Variants in WWOX observed in about 807,000 individuals in gnomAD.
WWOX encodes WW domain-containing oxidoreductase.
In WWOX, 69 loss-of-function variants were observed where a neutral mutation model predicts 46.2. The observed-to-expected ratio is 1.49, with a 90% confidence interval of 1.23 to 1.82. The LOEUF is 1.82. WWOX is among the 40% of genes most tolerant of loss of function. WWOX has a pLI of 0.00. For synonymous variants in WWOX, 359 were observed against 202.6 expected, an observed-to-expected ratio of 1.77 and a Z score of -6.56; for missense variants, 919 against 542.6, an observed-to-expected ratio of 1.69 and a Z score of -6.89.
intron 8 of WWOX, among the ~76,000 whole-genome samples, chr16:79,084,794 A>G (rs2048824095): frequency 6.6e-6 from 1 of 152,198 alleles, no homozygotes; most frequent in Admixed American, 6.5e-5. Context: ...TACAAAGAAG[A>G]AAGGAGTCTG....
At chr16:79,181,562 T>C (rs1006124228) in intron 8 of WWOX, among the ~76,000 whole-genome samples, 1 of 152,204 alleles carries the variant, frequency 6.6e-6, no homozygotes, top group Non-Finnish European at 1.5e-5. Flanking sequence ...GTAGGGGTTT[T>C]TTTTTTAATT....
rs1338960973 is a variant in WWOX at position 78,261,774 on chromosome 16, ATCTATCTATC to A, written c.516+97487_516+97496del. Among the ~76,000 whole-genome samples the A allele has an allele frequency of 7.2e-3, 329 of 45,742 alleles. 6 individuals are homozygous for A. The highest frequency in any genetic ancestry group is 0.056 in the East Asian group (49 of 870). 30.0% of individuals were successfully genotyped at this position (45,742 alleles called of 152,430 possible). On this transcript the variant is annotated intron_variant, in intron 5 of 8. Transcript: ENST00000566780. ...TGTCTGTCTATCTATCTATCTATGT[ATCTATCTATC>A]TATCTATATATATATATATATATAT...
chr16:78,260,715 G>A, intron 5 of WWOX, among the ~76,000 whole-genome samples: 1 of 149,912 alleles, frequency 6.7e-6, no homozygotes, highest in East Asian at 2.0e-4. Flanking sequence ...GAGGCAGGTG[G>A]ATCACTTGAG....
intron 8 of WWOX, among the ~76,000 whole-genome samples, chr16:78,725,073 T>C (rs186356786): frequency 6.6e-6 from 1 of 152,172 alleles, no homozygotes; most frequent in Non-Finnish European, 1.5e-5. Flanking sequence ...GGTGGGAGAA[T>C]ATTGAATCAT....
In WWOX at chr16:79,152,797, C is replaced by G. The variant is rs987392338; in HGVS notation, c.1057-58811C>G. ...CAGTGCAGCTAACATCTAGCACCTTCTTTGTGTCAGGTGGGCCAGCACTGG... is the reference window on the plus strand; with the variant it reads ...CAGTGCAGCTAACATCTAGCACCTTGTTTGTGTCAGGTGGGCCAGCACTGG... On this transcript the variant is annotated intron_variant, in intron 8 of 8. Coordinates refer to ENST00000566780, the MANE Select transcript of WWOX (RefSeq NM_016373.4). Among the ~76,000 whole-genome samples, 11 of 152,278 alleles carry G rather than the reference C, an allele frequency of 7.2e-5. No individual in the cohort carries two copies. In the South Asian group the frequency reaches 8.3e-4, roughly 11 times the overall value.
chr16:79,125,266 A>T (rs889002177), intron 8 of WWOX, among the ~76,000 whole-genome samples: 1 of 152,130 alleles, frequency 6.6e-6, no homozygotes, highest in Non-Finnish European at 1.5e-5. Flanking sequence ...AGTACTGTTG[A>T]TTGTATTTTA....
At chr16:78,910,230 G>C (rs558396236) in intron 8 of WWOX, among the ~76,000 whole-genome samples, 3 of 152,234 alleles carry the variant, frequency 2.0e-5, no homozygotes, top group South Asian at 2.1e-4. Context: ...TCAAGGGGGA[G>C]ATTTACAAGC....
At chr16:78,149,547 A>C (rs1190329367) in intron 4 of WWOX, among the ~76,000 whole-genome samples, 10 of 152,174 alleles carry the variant, frequency 6.6e-5, no homozygotes, top group Non-Finnish European at 1.2e-4. Context: ...AGCTGAAGAG[A>C]CCTCAATTCT....
At chr16:78,603,560 G>C (rs1019873052) in intron 8 of WWOX, among the ~76,000 whole-genome samples, 1 of 152,086 alleles carries the variant, frequency 6.6e-6, no homozygotes, top group African/African-American at 2.4e-5. Flanking sequence ...TGGGCGTGGT[G>C]GCAGCCACCT....
At chr16:78,715,688 GC>G (rs1247877379) in intron 8 of WWOX, among the ~76,000 whole-genome samples, 1 of 152,102 alleles carries the variant, frequency 6.6e-6, no homozygotes, top group Non-Finnish European at 1.5e-5. Flanking sequence ...TGTTGGCCAG[GC>G]TGGTCTCGAA....
At chr16:79,033,462 CTA>C (rs1183271969) in intron 8 of WWOX, among the ~76,000 whole-genome samples, 2 of 151,794 alleles carry the variant, frequency 1.3e-5, no homozygotes, top group Non-Finnish European at 2.9e-5. Flanking sequence ...CCAGAATAAA[CTA>C]TTTTTTATAC....
At chr16:79,077,776 G>T (rs773364856) in intron 8 of WWOX, 1 of 151,878 alleles carries the variant, frequency 6.6e-6, no homozygotes, top group Non-Finnish European at 1.5e-5. Context: ...TGCTAATAGA[G>T]ATCTTTGAAA....
intron 8 of WWOX, among the ~76,000 whole-genome samples, chr16:78,782,666 C>CTTTTTTTT (rs59862391): frequency 1.5e-5 from 2 of 131,846 alleles, no homozygotes; most frequent in African/African-American, 2.8e-5. Flanking sequence ...TTTTCTATAT[C>CTTTTTTTT]TTTTTTTTTT....
chr16:78,592,691 C>A (rs2045379682), intron 8 of WWOX, among the ~76,000 whole-genome samples: 1 of 152,202 alleles, frequency 6.6e-6, no homozygotes, highest in Non-Finnish European at 1.5e-5. Context: ...CATTTCGCTG[C>A]TGCTAACAAG....
chr16:79,163,332 G>A (rs2050523919), intron 8 of WWOX, among the ~76,000 whole-genome samples: 1 of 152,140 alleles, frequency 6.6e-6, no homozygotes, highest in South Asian at 2.1e-4. Context: ...TGTACTAACT[G>A]GGGGGTCTTG....
intron 5 of WWOX, among the ~76,000 whole-genome samples, chr16:78,370,547 C>G (rs1232136640): frequency 6.6e-6 from 1 of 151,644 alleles, no homozygotes; most frequent in African/African-American, 2.4e-5. Context: ...TTCTTCTGTT[C>G]TGTTCTTAAA....
intron 8 of WWOX, among the ~76,000 whole-genome samples, chr16:78,531,218 T>C (rs1039747043): frequency 2.0e-5 from 3 of 152,230 alleles, no homozygotes; most frequent in Admixed American, 6.5e-5. Flanking sequence ...TGCAGACTCT[T>C]ACATTCAGTG....
intron 8 of WWOX, among the ~76,000 whole-genome samples, chr16:78,657,232 G>T (rs1210681962): frequency 6.6e-6 from 1 of 152,076 alleles, no homozygotes; most frequent in Non-Finnish European, 1.5e-5. Flanking sequence ...CACCCCTTTT[G>T]TTTTCATTGC....
chr16:78,589,434 CCTT>C (rs935210524), intron 8 of WWOX, among the ~76,000 whole-genome samples: 6 of 152,068 alleles, frequency 3.9e-5, no homozygotes, highest in African/African-American at 1.4e-4. Flanking sequence ...GGGGCTGATG[CCTT>C]CTTTCACTAG....
Sources: gnomAD v4.1 joint callset for allele counts (sites outside exome capture counted in the v4.1 genomes callset) on GRCh38, gnomAD v4.1.1 for gene constraint, MANE v1.5 for transcripts, NCBI Gene and HGNC (gene_info 2026-07-23, HGNC 2026-07-21) for gene names.